CFHR5: variants seen among roughly 807,000 people sequenced by gnomAD.
CFHR5 encodes complement factor H-related protein 5.
A neutral mutation model predicts 62.9 loss-of-function variants in CFHR5; 73 were observed. The observed-to-expected ratio is 1.16, with a 90% CI of 0.96 to 1.41. The LOEUF (loss-of-function observed/expected upper bound fraction) is 1.41. CFHR5 is among the 40% of genes most tolerant of loss of function. The probability of loss-of-function intolerance (pLI) is 0.00; values close to 1 mark genes in which losing one functional copy is unlikely to be tolerated. For synonymous variants in CFHR5, 249 were observed against 227.2 expected, an observed-to-expected ratio of 1.10 and a Z score of -0.86; for missense variants, 779 against 679.9, an observed-to-expected ratio of 1.15 and a Z score of -1.62.
rs1322057545 is a variant in CFHR5 at position 196,977,740 on chromosome 1, C to G, written c.58+18C>G. 2 of 1,580,552 alleles carry G rather than the reference C, an allele frequency of 1.3e-6. No individual in the cohort carries two copies. Among genetic ancestry groups the G allele is most frequent in the African/African-American group, 1.3e-5 (1 of 74,494 alleles). ...GGGAGAAGGTAAGTTGAAAACAGATCCGAATATTTTAGTTCCTTTTCAAAT... is the reference window on the plus strand; with the variant it reads ...GGGAGAAGGTAAGTTGAAAACAGATGCGAATATTTTAGTTCCTTTTCAAAT... On this transcript the variant is annotated intron_variant, in intron 1 of 9. Transcript: ENST00000256785.
At chr1:196,993,419 C>A (rs926595164) in intron 3 of CFHR5, among the ~76,000 whole-genome samples, 2 of 152,032 alleles carry the variant, frequency 1.3e-5, no homozygotes, top group Non-Finnish European at 2.9e-5. Context: ...CTCAGCCTCC[C>A]TAGTAGTTGG....
chr1:196,995,779 A>C lies in CFHR5; in HGVS notation c.670A>C (p.Lys224Gln). The C allele has an allele frequency of 6.2e-7, 1 of 1,613,340 alleles. No individual in the cohort carries two copies. The highest frequency in any genetic ancestry group is 8.5e-7 in the Non-Finnish European group (1 of 1,179,370). The stretch of plus-strand genomic sequence containing the variant: ...CAATGGTGAAGTTAAGGAGATAAGA[A>C]AAGAGGAATATGGACACAATGAAGT... ...LSNGEVKEIR[K>Q]EEYGHNEVVE... Residue 224 changes from lysine to glutamine, a missense_variant, in exon 5 of 10, where the codon AAA becomes CAA. Lys to Gln is a moderately conservative substitution (Grantham distance 53, BLOSUM62 1). Coordinates refer to ENST00000256785, the MANE Select transcript of CFHR5 (RefSeq NM_030787.4).
At chr1:197,008,262 G>A (rs1037208179) in intron 9 of CFHR5, among the ~76,000 whole-genome samples, 1 of 151,424 alleles carries the variant, frequency 6.6e-6, no homozygotes, top group Non-Finnish European at 1.5e-5. Context: ...TCACTAAACT[G>A]TGTAGCCTTG....
chr1:196,998,561 TAAAG>T (rs1343765946), intron 7 of CFHR5, among the ~76,000 whole-genome samples: 3 of 151,536 alleles, frequency 2.0e-5, no homozygotes, highest in Non-Finnish European at 4.4e-5. Context: ...AAAAAAGAAA[TAAAG>T]AACTGTAAAA....
intron 5 of CFHR5, 29 bp from the exon 6 acceptor site, chr1:196,995,993 T>G (rs767236581): frequency 6.2e-7 from 1 of 1,608,460 alleles, no homozygotes; most frequent in Admixed American, 1.7e-5. Flanking sequence ...ATTTTCAGAG[T>G]AAGCACTCAT....
chr1:196,995,920 A>T, intron 5 of CFHR5, 21 bp downstream of exon 5: 1 of 1,603,410 alleles, frequency 6.2e-7, no homozygotes, highest in Non-Finnish European at 8.5e-7. Flanking sequence ...ATTAACATTT[A>T]AACAGGACAG....
At chr1:196,995,627 A>G in intron 4 of CFHR5, 90 bp from the exon 5 acceptor site, 5 of 1,109,996 alleles carry the variant, frequency 4.5e-6, no homozygotes, top group Non-Finnish European at 6.9e-6. Context: ...ATATAAAGGC[A>G]ATTAATTTCT....
At chr1:196,980,667 T>G (rs1469517958) in intron 1 of CFHR5, among the ~76,000 whole-genome samples, 1 of 151,996 alleles carries the variant, frequency 6.6e-6, no homozygotes, top group African/African-American at 2.4e-5. Context: ...TCTATCAGAA[T>G]GTCGAGACAA....
upstream of CFHR5, chr1:196,977,451 A>C (rs1203376831): frequency 1.7e-5 from 10 of 596,588 alleles, no homozygotes; most frequent in Non-Finnish European, 2.4e-5. Flanking sequence ...CGAGCTGAGA[A>C]TATTATTGTG....
At chr1:196,985,423 T>C (rs1202835683) in intron 3 of CFHR5, among the ~76,000 whole-genome samples, 1 of 151,906 alleles carries the variant, frequency 6.6e-6, no homozygotes, top group African/African-American at 2.4e-5. Flanking sequence ...GGAACTGCGA[T>C]AGTTTTTCAG....
intron 9 of CFHR5, 147 bp from the exon 10 acceptor site, chr1:197,008,340 T>A (rs1654345084): frequency 3.0e-6 from 1 of 335,022 alleles, no homozygotes; most frequent in South Asian, 8.6e-5. Context: ...GTACCAAGAA[T>A]AACTCAATAA....
At position 197,008,637 on chromosome 1, in the gene CFHR5, G is replaced by C. The variant is rs143599784; in HGVS notation, c.1664G>C (p.Arg555Pro). The change falls in exon 10 of 10, where the codon CGA becomes CCA. Residue 555 changes from arginine to proline, a missense_variant. By Grantham distance (103) the Arg-to-Pro change is moderately radical. Transcript: ENST00000256785. The part of the protein sequence containing the change: ...HKAMISSPPF[R>P]AICQEGKFEY... ...GCGATGATATCATCACCACCATTTC[G>C]AGCAATCTGTCAGGAAGGGAAATTT... 59 of 1,613,778 alleles carry C rather than the reference G, an allele frequency of 3.7e-5. No homozygotes were observed. In the African/African-American group the frequency reaches 6.5e-4, roughly 18 times the overall value.
At chr1:196,986,355 G>C (rs578095665) in intron 3 of CFHR5, among the ~76,000 whole-genome samples, 1 of 151,694 alleles carries the variant, frequency 6.6e-6, no homozygotes, top group East Asian at 1.9e-4. Flanking sequence ...CATTGGCCAA[G>C]ATCGATTATT....
chr1:197,006,287 C>T lies in CFHR5; in HGVS notation c.1513+1444C>T, dbSNP rs186276118. 1.9e-3 allele frequency among the ~76,000 whole-genome samples: 282 copies of T among 151,938 alleles called. 4 individuals are homozygous for T. Among genetic ancestry groups the T allele is most frequent in the African/African-American group, 5.0e-3 (207 of 41,400 alleles). On this transcript the variant is annotated intron_variant, in intron 9 of 9. Coordinates refer to ENST00000256785, the MANE Select transcript of CFHR5 (RefSeq NM_030787.4). ...AATAACAAACACAAACACACAATCA[C>T]GAAAACAAACAAGCAAAAAAACCCA...
chr1:196,977,650 T>C lies in CFHR5; in HGVS notation c.-15T>C. 7 of 1,605,202 alleles carry C rather than the reference T, an allele frequency of 4.4e-6. No homozygotes were observed. The highest frequency in any genetic ancestry group is 6.0e-6 in the Non-Finnish European group (7 of 1,172,128). On this transcript the variant is annotated 5_prime_UTR_variant, in exon 1 of 10. Coordinates refer to ENST00000256785, the MANE Select transcript of CFHR5 (RefSeq NM_030787.4). Reference sequence around the variant, plus strand: ...CTGGAGTATTTTTAGTTATATACGATTGAGACTACCAAGCATGTTGCTCTT... The same window carrying C: ...CTGGAGTATTTTTAGTTATATACGACTGAGACTACCAAGCATGTTGCTCTT...
chr1:196,982,955 C>T lies in CFHR5; in HGVS notation c.129C>T (p.Ser43=), dbSNP rs1308588971. ...LYDEEDYNPF[S]QVPTGEVFYY... ...ATGAAGAAGATTATAACCCTTTTTCCCAAGTTCCTACAGGGGAAGTTTTCT... is the reference window on the plus strand; with the variant it reads ...ATGAAGAAGATTATAACCCTTTTTCTCAAGTTCCTACAGGGGAAGTTTTCT... Residue 43 remains serine (S), a synonymous_variant, in exon 2 of 10, where the codon TCC becomes TCT. Transcript: ENST00000256785. The T allele has an allele frequency of 6.2e-7, 1 of 1,613,926 alleles. No individual in the cohort carries two copies. The highest frequency in any genetic ancestry group is 2.2e-5 in the East Asian group (1 of 44,858).
At chr1:197,001,546 T>C (rs1274331410) in intron 7 of CFHR5, among the ~76,000 whole-genome samples, 2 of 151,790 alleles carry the variant, frequency 1.3e-5, no homozygotes, top group Non-Finnish European at 2.9e-5. Context: ...TTTCACTGAA[T>C]ATGTTTTTTT....
chr1:197,008,355 T>C, intron 9 of CFHR5, 132 bp from the exon 10 acceptor site: 1 of 401,282 alleles, frequency 2.5e-6, no homozygotes, highest in Non-Finnish European at 4.0e-6. Context: ...CAATAAATAT[T>C]ATTTTTTAAA....
rs745760191 is a variant in CFHR5 at position 196,995,805 on chromosome 1, A to G, written c.696A>G (p.Val232=). The change falls in exon 5 of 10, where the codon GTA becomes GTG. Residue 232 remains valine, a synonymous_variant. Transcript: ENST00000256785. ...AAGAGGAATATGGACACAATGAAGT[A>G]GTGGAATATGATTGCAATCCTAATT... is the stretch of plus-strand genomic sequence containing the variant. ...IRKEEYGHNE[V]VEYDCNPNFI... The G allele has an allele frequency of 1.9e-6, 3 of 1,612,116 alleles. No individual in the cohort carries two copies. Among genetic ancestry groups the G allele is most frequent in the Admixed American group, 1.7e-5 (1 of 59,982 alleles).
Sources: gnomAD v4.1 joint callset for allele counts (sites outside exome capture counted in the v4.1 genomes callset) on GRCh38, gnomAD v4.1.1 for gene constraint, MANE v1.5 for transcripts, NCBI Gene and HGNC (gene_info 2026-07-23, HGNC 2026-07-21) for gene names.